The following ZNF616 variants were observed in gnomAD, a reference collection of about 807,000 sequenced individuals.
ZNF616 encodes zinc finger protein 616.
Under a neutral mutation model 7.6 loss-of-function variants are expected in ZNF616, and 5 were observed. That is an observed-to-expected ratio of 0.66 (90% CI 0.34 to 1.38). The LOEUF (loss-of-function observed/expected upper bound fraction) is 1.38, where lower values mean the gene tolerates loss of function less well. Among genes scored for constraint, ZNF616 ranks in the 40% most tolerant of loss-of-function variants. The pLI, the probability that ZNF616 is intolerant of heterozygous loss-of-function variation, is 0.04. For missense variants in ZNF616, 913 were observed against 948.3 expected (o/e 0.96, Z 0.49); for synonymous variants, 319 against 317.2 (o/e 1.01, Z -0.06).
chr19:52,114,890 T>C lies in ZNF616; in HGVS notation c.2274A>G (p.Ser758=), dbSNP rs201372485. ...GTCTTATTCGATGTTTAGTGAGGCC[T>C]GAGCGACAAATAAAAGATTTCCCAC... is the stretch of plus-strand genomic sequence containing the variant. ...NECGKSFICR[S]GLTKHRIRHT... The change falls in exon 4 of 4, where the codon TCA becomes TCG. Residue 758 remains serine, a synonymous_variant. Coordinates refer to ENST00000600228, the MANE Select transcript of ZNF616 (RefSeq NM_178523.5). 7 of 1,613,634 alleles carry C rather than the reference T, an allele frequency of 4.3e-6. No homozygotes were observed. The Admixed American group carries it at 1.0e-4, about 23-fold the overall frequency.
chr19:52,135,538 G>T (rs2088999945), intron 1 of ZNF616, among the ~76,000 whole-genome samples: 1 of 152,098 alleles, frequency 6.6e-6, no homozygotes, highest in Admixed American at 6.5e-5. Flanking sequence ...CCCCACAGAA[G>T]TCACTATGGA....
chr19:52,117,047 G>GTT, intron 3 of ZNF616, 23 bp from the exon 4 acceptor site: 1 of 1,493,680 alleles, frequency 6.7e-7, no homozygotes, highest in Non-Finnish European at 8.9e-7. Flanking sequence ...ATGAACATGA[G>GTT]TTTTTTTTTA....
intron 1 of ZNF616, among the ~76,000 whole-genome samples, chr19:52,134,011 TA>T: frequency 6.6e-6 from 1 of 152,154 alleles, no homozygotes; most frequent in Non-Finnish European, 1.5e-5. Flanking sequence ...TTGCCAAGGA[TA>T]ATCGCCTCCA....
chr19:52,133,291 T>C (rs780217528), intron 1 of ZNF616, among the ~76,000 whole-genome samples: 4 of 152,150 alleles, frequency 2.6e-5, no homozygotes. Context: ...TTAGGGTCTG[T>C]GTGTGTGCAT....
intron 3 of ZNF616, among the ~76,000 whole-genome samples, chr19:52,119,153 T>G (rs887518825): frequency 6.6e-6 from 1 of 152,000 alleles, no homozygotes; most frequent in African/African-American, 2.4e-5. Context: ...CCAAGGCAGG[T>G]GGATCACAAG....
intron 3 of ZNF616, among the ~76,000 whole-genome samples, chr19:52,120,673 T>C (rs957745214): frequency 1.3e-5 from 2 of 152,208 alleles, no homozygotes; most frequent in African/African-American, 4.8e-5. Flanking sequence ...GCTAAACTGG[T>C]ATCAGTCAAA....
intron 2 of ZNF616, 76 bp from the exon 3 acceptor site, chr19:52,124,125 C>A: frequency 1.3e-6 from 2 of 1,521,258 alleles, no homozygotes; most frequent in Admixed American, 2.2e-5. Flanking sequence ...AGAGAACTAT[C>A]ACATCACTTT....
intron 1 of ZNF616, 115 bp from the exon 2 acceptor site, chr19:52,130,703 G>C: frequency 1.5e-6 from 1 of 686,210 alleles, no homozygotes; most frequent in Non-Finnish European, 2.4e-6. Context: ...ACTGCACCAG[G>C]GGGGATGCAA....
intron 3 of ZNF616, among the ~76,000 whole-genome samples, chr19:52,119,033 C>A (rs2088846745): frequency 1.3e-5 from 2 of 152,160 alleles, no homozygotes; most frequent in Non-Finnish European, 2.9e-5. Context: ...ACTTCAAGAG[C>A]CATGCTGTGT....
At chr19:52,118,379 A>G (rs1195535123) in intron 3 of ZNF616, among the ~76,000 whole-genome samples, 1 of 152,208 alleles carries the variant, frequency 6.6e-6, no homozygotes, top group African/African-American at 2.4e-5. Context: ...CAAAATGAAA[A>G]CTTACAGATA....
intron 1 of ZNF616, among the ~76,000 whole-genome samples, chr19:52,134,784 G>C (rs77883414): frequency 0.012 from 1,828 of 152,232 alleles, 39 homozygotes; most frequent in African/African-American, 0.042. Flanking sequence ...ATTCTCCAAA[G>C]AGCATTACCC....
chr19:52,124,489 T>C (rs1165710061), intron 2 of ZNF616, among the ~76,000 whole-genome samples: 2 of 152,174 alleles, frequency 1.3e-5, no homozygotes, highest in Non-Finnish European at 1.5e-5. Context: ...TGCTGGGCAT[T>C]ATTCCAAATG....
chr19:52,130,983 T>C (rs1218992599), intron 1 of ZNF616, among the ~76,000 whole-genome samples: 1 of 152,108 alleles, frequency 6.6e-6, no homozygotes, highest in Non-Finnish European at 1.5e-5. Flanking sequence ...GAGAATCAAC[T>C]TGGGGCTGGG....
chr19:52,130,376 T>C (rs1600127377), intron 2 of ZNF616, 125 bp downstream of exon 2: 14 of 913,728 alleles, frequency 1.5e-5, no homozygotes, highest in Non-Finnish European at 2.6e-5. Context: ...CATGAGCAAA[T>C]GTGTCAGGAA....
chr19:52,122,987 A>C (rs112000914), intron 3 of ZNF616, among the ~76,000 whole-genome samples: 8 of 152,288 alleles, frequency 5.3e-5, no homozygotes, highest in African/African-American at 1.7e-4. Context: ...GAGTAAAAGA[A>C]ATAACTGAAA....
rs1428473800 is a variant in ZNF616 at position 52,116,317 on chromosome 19, G to A, written c.847C>T (p.His283Tyr). Residue 283 changes from histidine to tyrosine, a missense_variant, in exon 4 of 4, where the codon CAC (histidine) becomes TAC (tyrosine). Physicochemically the swap from His to Tyr is moderately conservative, Grantham distance 83. Coordinates refer to ENST00000600228, the MANE Select transcript of ZNF616 (RefSeq NM_178523.5). ...TGAATTCTCTGATGAACTGCAAGGT[G>A]GGAACTTTTACTAAAGGACTTGCCA... ...ECGKSFSKSS[H>Y]LAVHQRIHTG... 2.5e-6 allele frequency: 4 copies of A among 1,613,556 alleles called. No individual in the cohort carries two copies. The highest frequency in any genetic ancestry group is 1.3e-5 in the African/African-American group (1 of 74,782).
At chr19:52,134,122 G>T (rs895013893) in intron 1 of ZNF616, among the ~76,000 whole-genome samples, 31 of 152,170 alleles carry the variant, frequency 2.0e-4, no homozygotes, top group Admixed American at 4.6e-4. Context: ...AAGCCAGAAT[G>T]AAGTCTCTCA....
rs1482677931 is a variant in ZNF616 at position 52,114,258 on chromosome 19, G to A, written c.*560C>T. ...TTACACTTCTGTGATTTTTCTCCAGGATGTATACATCCTGGAATATATATA... is the reference window on the plus strand; with the variant it reads ...TTACACTTCTGTGATTTTTCTCCAGAATGTATACATCCTGGAATATATATA... On this transcript the variant is annotated 3_prime_UTR_variant, in exon 4 of 4. Coordinates refer to ENST00000600228, the MANE Select transcript of ZNF616 (RefSeq NM_178523.5). 2.6e-5 allele frequency: 4 copies of A among 151,998 alleles called. No individual in the cohort carries two copies. Among genetic ancestry groups the A allele is most frequent in the Non-Finnish European group, 5.9e-5 (4 of 68,062 alleles). The allele number at this position is 151,998 out of a possible 1,614,324, so 9.4% of individuals were successfully genotyped here.
chr19:52,119,164 G>A (rs1339734094), intron 3 of ZNF616, among the ~76,000 whole-genome samples: 1 of 152,046 alleles, frequency 6.6e-6, no homozygotes, highest in Non-Finnish European at 1.5e-5. Context: ...GGATCACAAG[G>A]TCAGGAGTTC....
Sources: gnomAD v4.1 joint callset for allele counts (sites outside exome capture counted in the v4.1 genomes callset) on GRCh38, gnomAD v4.1.1 for gene constraint, MANE v1.5 for transcripts, NCBI Gene and HGNC (gene_info 2026-07-23, HGNC 2026-07-21) for gene names.